COL5A1: variants seen among roughly 807,000 people sequenced by gnomAD.
COL5A1 encodes collagen alpha-1(V) chain.
Under a neutral mutation model 263.7 loss-of-function variants are expected in COL5A1, and 16 were observed. The ratio of observed to expected loss-of-function variants is 0.06; its 90% CI spans 0.04 to 0.09. The LOEUF (loss-of-function observed/expected upper bound fraction) is 0.09. COL5A1 is among the 10% of genes least tolerant of loss of function. COL5A1 has a pLI of 1.00. For missense variants in COL5A1, 2,036 were observed against 2,540.5 expected, an observed-to-expected ratio of 0.80 and a Z score of 4.27; for synonymous variants, 1,012 against 1,004.5, an observed-to-expected ratio of 1.01 and a Z score of -0.14.
chr9:134,783,163 C>T (rs1837324189), intron 29 of COL5A1, among the ~76,000 whole-genome samples: 1 of 152,256 alleles, frequency 6.6e-6, no homozygotes, highest in Admixed American at 6.5e-5. Context: ...GCCCACAGGG[C>T]AGCACGCGAC....
At chr9:134,731,770 C>T (rs1834892178) in intron 8 of COL5A1, 107 bp downstream of exon 8, 1 of 1,240,680 alleles carries the variant, frequency 8.1e-7, no homozygotes, top group South Asian at 1.5e-5. Flanking sequence ...ACGGGCAGCT[C>T]AAGTGTTACA....
intron 4 of COL5A1, among the ~76,000 whole-genome samples, chr9:134,714,507 T>TAAGGTGGTGAAGGTGGTGATGCTGATG (rs1834181587): frequency 1.0e-4 from 1 of 9,794 alleles, no homozygotes; most frequent in Non-Finnish European, 1.9e-4. Flanking sequence ...TGGTGGAGGT[T>TAAGGTGGTGAAGGTGGTGATGCTGATG]AAGGTGGTGA....
chr9:134,730,385 C>T lies in COL5A1; in HGVS notation c.1074C>T (p.Gly358=), dbSNP rs561440698. The T allele has an allele frequency of 4.8e-5, 78 of 1,614,178 alleles. 1 individual carries two copies. In the South Asian group the frequency reaches 7.6e-4, roughly 16 times the overall value. ...CACCGTATGATGACCTCACCTATGG[C>T]GAGGGGGAGGAGAACCCCGACCAGC... ...TPSPYDDLTY[G]EGEENPDQPT... Residue 358 remains glycine (G), a synonymous_variant, in exon 7 of 66, where the codon GGC becomes GGT. Coordinates refer to ENST00000371817, the MANE Select transcript of COL5A1 (RefSeq NM_000093.5).
Position 134,680,925 on chromosome 9 carries a change from C to T in COL5A1, c.110-9987C>T, listed in dbSNP as rs1832834656. Among the ~76,000 whole-genome samples, 1 of 152,160 alleles carries T rather than the reference C, an allele frequency of 6.6e-6. No homozygotes were observed. Among genetic ancestry groups the T allele is most frequent in the Non-Finnish European group, 1.5e-5 (1 of 68,014 alleles). Reference sequence around the variant, plus strand: ...TTGGGCTCAGGTCTCCAGGTCTCCGCCTGGCACTGCAGCCTCGGGGGGCAG... The same window carrying T: ...TTGGGCTCAGGTCTCCAGGTCTCCGTCTGGCACTGCAGCCTCGGGGGGCAG... On this transcript the variant is annotated intron_variant, in intron 1 of 65. Coordinates refer to ENST00000371817, the MANE Select transcript of COL5A1 (RefSeq NM_000093.5). The surrounding 1 kb of genome is among the most constrained non-coding windows in gnomAD (Gnocchi z 5.9).
chr9:134,660,078 T>A (rs1019994435), intron 1 of COL5A1, among the ~76,000 whole-genome samples: 5 of 152,192 alleles, frequency 3.3e-5, no homozygotes, highest in Non-Finnish European at 7.3e-5. Flanking sequence ...AAACCCCTCC[T>A]GGGTCAGGGA....
intron 4 of COL5A1, among the ~76,000 whole-genome samples, chr9:134,705,951 C>T (rs1165011924): frequency 1.3e-5 from 2 of 152,190 alleles, no homozygotes; most frequent in Non-Finnish European, 1.5e-5. Flanking sequence ...GCGAGTGCTC[C>T]GGGGCGCCTC....
chr9:134,691,351 G>C (rs1833273687), intron 2 of COL5A1, among the ~76,000 whole-genome samples: 1 of 152,228 alleles, frequency 6.6e-6, no homozygotes, highest in Admixed American at 6.5e-5. Context: ...TCTATCAGCT[G>C]TGTCTCTGGT....
intron 63 of COL5A1, 125 bp downstream of exon 63, chr9:134,826,029 AT>A: frequency 3.3e-6 from 2 of 609,456 alleles, no homozygotes; most frequent in Non-Finnish European, 6.0e-6. Flanking sequence ...AATCCGTTTC[AT>A]CAGTGAAACT....
intron 63 of COL5A1, among the ~76,000 whole-genome samples, chr9:134,828,104 G>A (rs751903417): frequency 3.3e-5 from 5 of 152,180 alleles, no homozygotes; most frequent in Admixed American, 3.3e-4. Flanking sequence ...GGCCCTGGGG[G>A]CCCTTCCACT....
Position 134,682,688 on chromosome 9 carries a change from G to A in COL5A1, c.110-8224G>A, listed in dbSNP as rs184262708. Among the ~76,000 whole-genome samples, 189 of 152,276 alleles carry A rather than the reference G, an allele frequency of 1.2e-3. 5 individuals are homozygous for A. In the South Asian group the frequency reaches 0.038, roughly 30 times the overall value. On this transcript the variant is annotated intron_variant, in intron 1 of 65. Coordinates refer to ENST00000371817, the MANE Select transcript of COL5A1 (RefSeq NM_000093.5). The surrounding 1 kb of genome is among the most constrained non-coding windows in gnomAD (Gnocchi z 5.1). ...ACTGCTCCGGCTCAGGGGGGCACCG[G>A]GACGGGGGAGCTGAGGAAAAGTCAC...
At position 134,756,639 on chromosome 9, in the gene COL5A1, C is replaced by T. The variant is rs575845973; in HGVS notation, c.1828-126C>T. ...CCTCGCAGCAGCCCGGCCACTCGGG[C>T]TGTGACCTTGGGGGTGGGCGCGGCT... On this transcript the variant is annotated intron_variant, in intron 16 of 65. Coordinates refer to ENST00000371817, the MANE Select transcript of COL5A1 (RefSeq NM_000093.5). 34 of 1,054,534 alleles carry T rather than the reference C, an allele frequency of 3.2e-5. No individual in the cohort carries two copies. In the African/African-American group the frequency reaches 5.1e-4, roughly 16 times the overall value. 65.3% of individuals were successfully genotyped at this position (1,054,534 alleles called of 1,614,324 possible).
At position 134,806,314 on chromosome 9, in the gene COL5A1, T is replaced by C. The variant is rs751538872; in HGVS notation, c.3366+18T>C. On this transcript the variant is annotated intron_variant, in intron 42 of 65. Transcript: ENST00000371817. ...GGGCTCCTGTAAGTACTGCCTTGGA[T>C]TGGGGGAGCCCTTCCCTCAGAGATG... The C allele has an allele frequency of 1.5e-5, 22 of 1,514,212 alleles. No individual in the cohort carries two copies. Among genetic ancestry groups the C allele is most frequent in the Admixed American group, 1.2e-4 (6 of 50,612 alleles). 93.8% of individuals were successfully genotyped at this position (1,514,212 alleles called of 1,614,324 possible). A position where few individuals can be genotyped will look rare whatever the true frequency, so the allele number is the denominator to read the frequency against.
Position 134,740,272 on chromosome 9 carries a change from T to C in COL5A1, c.1494+1464T>C, listed in dbSNP as rs544880860. On this transcript the variant is annotated intron_variant, in intron 11 of 65. Coordinates refer to ENST00000371817, the MANE Select transcript of COL5A1 (RefSeq NM_000093.5). ...AGGCAACAGCGAGTGGCCGCTGCTC[T>C]TACCCAGCCAGGACCGGCATGGCTG... is the stretch of plus-strand genomic sequence containing the variant. Among the ~76,000 whole-genome samples, 404 of 152,290 alleles carry C rather than the reference T, an allele frequency of 2.7e-3. 1 individual carries two copies. Among genetic ancestry groups the C allele is most frequent in the Non-Finnish European group, 4.7e-3 (318 of 67,996 alleles).
In COL5A1 at chr9:134,842,338, G is replaced by A. The variant is rs763142701; in HGVS notation, c.*35G>A. ...AGCCCGGGCTCCCGAGAGCAACCTC[G>A]TGACCTCAGCATGCCATTCGTTCGT... On this transcript the variant is annotated 3_prime_UTR_variant, in exon 66 of 66. Coordinates refer to ENST00000371817, the MANE Select transcript of COL5A1 (RefSeq NM_000093.5). This position sits in a 1 kb window ranked among gnomAD's most constrained non-coding sequence, Gnocchi z 5.8. 76 of 1,612,814 alleles carry A rather than the reference G, an allele frequency of 4.7e-5. No individual in the cohort carries two copies. The Middle Eastern group carries it at 5.1e-4, about 11-fold the overall frequency.
intron 32 of COL5A1, among the ~76,000 whole-genome samples, chr9:134,792,969 C>CCTGCTGTCTGT (rs1837770226): frequency 1.3e-5 from 2 of 151,510 alleles, no homozygotes; most frequent in Admixed American, 1.3e-4. Flanking sequence ...CTGCTGTCTG[C>CCTGCTGTCTGT]CTGCTGTCTG....
At chr9:134,811,088 C>T (rs1016178961) in intron 44 of COL5A1, among the ~76,000 whole-genome samples, 7 of 152,182 alleles carry the variant, frequency 4.6e-5, no homozygotes, top group Non-Finnish European at 1.0e-4. Context: ...TGAGATGACA[C>T]ACGGTGGTCT....
At chr9:134,756,636 G>C in intron 16 of COL5A1, 129 bp from the exon 17 acceptor site, 1 of 1,021,128 alleles carries the variant, frequency 9.8e-7, no homozygotes, top group South Asian at 1.3e-5. Context: ...CCGGCCACTC[G>C]GGCTGTGACC....
intron 50 of COL5A1, among the ~76,000 whole-genome samples, chr9:134,815,116 C>T (rs1838691254): frequency 6.6e-6 from 1 of 152,232 alleles, no homozygotes; most frequent in South Asian, 2.1e-4. Context: ...GAGGAGAAAG[C>T]CCTGAGTGAT....
chr9:134,714,776 AGGT>A (rs1228994696), intron 4 of COL5A1, among the ~76,000 whole-genome samples: 3 of 74,870 alleles, frequency 4.0e-5, no homozygotes, highest in East Asian at 9.2e-4. Flanking sequence ...ATGCTGGTGA[AGGT>A]GGTGGTGGAG....
Sources: gnomAD v4.1 joint callset for allele counts (sites outside exome capture counted in the v4.1 genomes callset) on GRCh38, gnomAD v4.1.1 for gene constraint, Gnocchi (gnomAD v3.1) non-coding constraint, MANE v1.5 for transcripts, NCBI Gene and HGNC (gene_info 2026-07-23, HGNC 2026-07-21) for gene names.